The following MYT1L variants were observed in gnomAD, a reference collection of about 807,000 sequenced individuals.
MYT1L encodes myelin transcription factor 1 like, also known as myelin transcription factor 1-like protein.
Under a neutral mutation model 126.7 loss-of-function variants are expected in MYT1L, and 12 were observed. The ratio of observed to expected loss-of-function variants is 0.09; its 90% CI spans 0.06 to 0.15. The LOEUF (loss-of-function observed/expected upper bound fraction) is 0.15, where lower values mean the gene tolerates loss of function less well. MYT1L is among the 10% of genes least tolerant of loss of function. The pLI is 1.00. For missense variants in MYT1L, 979 were observed against 1,585.2 expected (o/e 0.62, Z 6.49); for synonymous variants, 541 against 604.2 (o/e 0.90, Z 1.53).
At chr2:2,014,101 T>C (rs907309109) in intron 4 of MYT1L, among the ~76,000 whole-genome samples, 6 of 152,124 alleles carry the variant, frequency 3.9e-5, no homozygotes, top group African/African-American at 1.4e-4. Context: ...ATTGCCTCCT[T>C]GCACCTTTTA....
At chr2:1,864,146 A>T (rs1417127580) in intron 18 of MYT1L, among the ~76,000 whole-genome samples, 2 of 152,188 alleles carry the variant, frequency 1.3e-5, no homozygotes, top group Non-Finnish European at 2.9e-5. Context: ...GGAAACAAAG[A>T]TGCCTCTTCA....
chr2:2,317,307 G>A (rs530848038), intron 1 of MYT1L, among the ~76,000 whole-genome samples: 112 of 152,102 alleles, frequency 7.4e-4, no homozygotes, highest in Admixed American at 2.2e-3. Context: ...GGGGCCCGTC[G>A]GTGTGGTCCT....
intron 3 of MYT1L, among the ~76,000 whole-genome samples, chr2:2,164,846 C>G (rs571395616): frequency 6.6e-6 from 1 of 152,302 alleles, no homozygotes; most frequent in East Asian, 1.9e-4. Flanking sequence ...CACAAGTTTC[C>G]AAACACAGTG....
intron 21 of MYT1L, among the ~76,000 whole-genome samples, chr2:1,828,929 A>G (rs561728823): frequency 6.6e-6 from 1 of 152,340 alleles, no homozygotes; most frequent in Non-Finnish European, 1.5e-5. Flanking sequence ...TTTCAGAGTT[A>G]GAACTTTAAG....
At position 1,852,947 on chromosome 2, in the gene MYT1L, C is replaced by T. The variant is rs1261934507; in HGVS notation, c.2712-1244G>A. On this transcript the variant is annotated intron_variant, in intron 18 of 24. Transcript: ENST00000647738. The surrounding 1 kb of genome is among the most constrained non-coding windows in gnomAD (Gnocchi z 4.0). Reference sequence around the variant, plus strand: ...GGGCTGAGACCAGGACGGCAAAGTGCTTGCTTACAGGTGGGCTTTCTCAAG... The same window carrying T: ...GGGCTGAGACCAGGACGGCAAAGTGTTTGCTTACAGGTGGGCTTTCTCAAG... 6.6e-6 allele frequency among the ~76,000 whole-genome samples: 1 copy of T among 152,220 alleles called. No homozygotes were observed. Among genetic ancestry groups the T allele is most frequent in the Non-Finnish European group, 1.5e-5 (1 of 68,040 alleles).
chr2:1,801,573 T>C lies in MYT1L; in HGVS notation c.3276+123A>G, dbSNP rs988350931. On this transcript the variant is annotated intron_variant, in intron 23 of 24. Coordinates refer to ENST00000647738, the MANE Select transcript of MYT1L (RefSeq NM_001303052.2). This position sits in a 1 kb window ranked among gnomAD's most constrained non-coding sequence, Gnocchi z 4.2. ...AGACCAATATCATAAGGTGGAAAAA[T>C]AAAGGAAATAAAAGAGCAAATAAGA... is the stretch of plus-strand genomic sequence containing the variant. 1.5e-6 allele frequency: 1 copy of C among 663,412 alleles called. No homozygotes were observed. The highest frequency in any genetic ancestry group is 2.6e-6 in the Non-Finnish European group (1 of 377,506). The allele number at this position is 663,412 out of a possible 1,614,324, so 41.1% of individuals were successfully genotyped here.
At chr2:2,180,967 C>G (rs1309222289) in intron 2 of MYT1L, among the ~76,000 whole-genome samples, 1 of 119,284 alleles carries the variant, frequency 8.4e-6, no homozygotes, top group Non-Finnish European at 1.7e-5. Flanking sequence ...CACCTGTAAC[C>G]GTACCTGTGT....
At chr2:2,327,421 T>C (rs1442387620) in intron 1 of MYT1L, among the ~76,000 whole-genome samples, 3 of 152,192 alleles carry the variant, frequency 2.0e-5, no homozygotes, top group East Asian at 1.9e-4. Flanking sequence ...TTGTTCAAGT[T>C]TATCCTCAGT....
chr2:1,943,102 G>A lies in MYT1L; in HGVS notation c.385C>T (p.Arg129Trp), dbSNP rs373262827. ...TCCTCGATCTCCTCCTCCTCCTCCC[G>A]GTCCCCCTCCTCGTCCTCCTCGTCC... is the stretch of plus-strand genomic sequence containing the variant. ...DEDEEDEEGD[R>W]EEEEEIEEED... The change falls in exon 9 of 25, where the codon CGG (arginine) becomes TGG (tryptophan). Residue 129 changes from arginine to tryptophan, a missense_variant. By Grantham distance (101) the Arg-to-Trp change is moderately radical. Transcript: ENST00000647738. The surrounding 1 kb of genome is among the most constrained non-coding windows in gnomAD (Gnocchi z 4.4). 5 of 1,467,230 alleles carry A rather than the reference G, an allele frequency of 3.4e-6. No individual in the cohort carries two copies. The highest frequency in any genetic ancestry group is 5.0e-5 in the East Asian group (2 of 40,368). The allele number at this position is 1,467,230 out of a possible 1,614,324, so 90.9% of individuals were successfully genotyped here. A position where few individuals can be genotyped will look rare whatever the true frequency, so the allele number is the denominator to read the frequency against.
At chr2:2,236,444 C>T (rs980390789) in intron 2 of MYT1L, among the ~76,000 whole-genome samples, 1 of 148,644 alleles carries the variant, frequency 6.7e-6, no homozygotes, top group Admixed American at 6.7e-5. Context: ...CAACCCAGAC[C>T]AGTACATCCC....
chr2:1,959,392 T>G (rs144416588), intron 8 of MYT1L, among the ~76,000 whole-genome samples: 30 of 152,164 alleles, frequency 2.0e-4, no homozygotes, highest in Middle Eastern at 3.4e-3. Context: ...GATGTGAAAG[T>G]CCCTCCTGGA....
At chr2:2,004,304 TGC>T (rs2062854662) in intron 4 of MYT1L, among the ~76,000 whole-genome samples, 2 of 120,448 alleles carry the variant, frequency 1.7e-5, no homozygotes, top group Admixed American at 1.6e-4. Context: ...CTTTCCTGCA[TGC>T]GTTCTTTCCT....
chr2:2,118,825 T>C (rs1173226299), intron 3 of MYT1L, among the ~76,000 whole-genome samples: 1 of 152,202 alleles, frequency 6.6e-6, no homozygotes, highest in Non-Finnish European at 1.5e-5. Flanking sequence ...AAACATCAAG[T>C]ACATTCTACT....
At chr2:2,269,629 C>T (rs1044700677) in intron 2 of MYT1L, among the ~76,000 whole-genome samples, 10 of 152,154 alleles carry the variant, frequency 6.6e-5, no homozygotes, top group African/African-American at 2.2e-4. Flanking sequence ...AAGCCAAGTG[C>T]CATCTGCCAT....
Position 1,892,031 on chromosome 2 carries a change from G to A in MYT1L, c.2283+6C>T, listed in dbSNP as rs1374012493. The A allele has an allele frequency of 5.9e-6, 9 of 1,519,484 alleles. No homozygotes were observed. The highest frequency in any genetic ancestry group is 7.9e-6 in the Non-Finnish European group (9 of 1,134,264). The allele number at this position is 1,519,484 out of a possible 1,614,324, so 94.1% of individuals were successfully genotyped here. ...CAGGTGGCTCCACCTGCCCAGGCGC[G>A]CGTACCCGCGTGGCGCACAGGTCCT... On this transcript the variant is annotated splice_donor_region_variant and intron_variant, in intron 15 of 24. Coordinates refer to ENST00000647738, the MANE Select transcript of MYT1L (RefSeq NM_001303052.2).
Position 2,311,903 on chromosome 2 carries a change from A to C in MYT1L, c.-521+19064T>G, listed in dbSNP as rs550040391. On this transcript the variant is annotated intron_variant, in intron 1 of 24. Transcript: ENST00000647738. ...GCACAAACAGTTTGGGATTCCAAATACATTTCTTTGCCACATTTAGGTCCT... is the reference window on the plus strand; with the variant it reads ...GCACAAACAGTTTGGGATTCCAAATCCATTTCTTTGCCACATTTAGGTCCT... 2.0e-5 allele frequency among the ~76,000 whole-genome samples: 3 copies of C among 152,338 alleles called. 1 individual carries two copies. In the Middle Eastern group the frequency reaches 0.01, roughly 518 times the overall value.
At chr2:2,208,682 C>T (rs1439277171) in intron 2 of MYT1L, among the ~76,000 whole-genome samples, 1 of 152,118 alleles carries the variant, frequency 6.6e-6, no homozygotes, top group Non-Finnish European at 1.5e-5. Flanking sequence ...AGAGATATAT[C>T]TTTAAATATG....
At chr2:1,824,603 G>C (rs1032494483) in intron 21 of MYT1L, 5 of 152,206 alleles carry the variant, frequency 3.3e-5, no homozygotes, top group Non-Finnish European at 7.3e-5. Flanking sequence ...GTGGCGCCGG[G>C]ACGCCGCCCT....
intron 2 of MYT1L, among the ~76,000 whole-genome samples, chr2:2,180,993 C>G (rs1357103716): frequency 9.0e-6 from 1 of 111,270 alleles, no homozygotes; most frequent in Non-Finnish European, 1.8e-5. Flanking sequence ...CCTGTGTGTG[C>G]TTGTGTATGT....
Sources: gnomAD v4.1 joint callset for allele counts (sites outside exome capture counted in the v4.1 genomes callset) on GRCh38, gnomAD v4.1.1 for gene constraint, Gnocchi (gnomAD v3.1) non-coding constraint, MANE v1.5 for transcripts, NCBI Gene and HGNC (gene_info 2026-07-23, HGNC 2026-07-21) for gene names.